The following OR2L13 variants were observed in gnomAD, a reference collection of about 807,000 sequenced individuals.
OR2L13 encodes the protein olfactory receptor family 2 subfamily L member 13.
A neutral mutation model predicts 15.3 loss-of-function variants in OR2L13; 14 were observed. The ratio of observed to expected loss-of-function variants is 0.91; its 90% CI spans 0.60 to 1.43. The LOEUF (loss-of-function observed/expected upper bound fraction) is 1.43. OR2L13 is among the 40% of genes most tolerant of loss of function. OR2L13 has a pLI of 0.00. For missense variants in OR2L13, 367 were observed against 387.9 expected, an observed-to-expected ratio of 0.95 and a Z score of 0.45; for synonymous variants, 152 against 142.9, an observed-to-expected ratio of 1.06 and a Z score of -0.45.
the OR2L13 span, chr1:248,041,578 C>A: frequency 6.6e-6 from 1 of 152,124 alleles, no homozygotes; most frequent in South Asian, 2.1e-4. Context: ...AGGCAACCTA[C>A]AGAATGGGAG....
At chr1:247,965,114 A>T in the OR2L13 span, 1 of 341,078 alleles carries the variant, frequency 2.9e-6, no homozygotes, top group Non-Finnish European at 5.3e-6. Flanking sequence ...TATCTCATGT[A>T]TGTTTGCATA....
chr1:247,970,665 C>G, the OR2L13 span, among the ~76,000 whole-genome samples: 1 of 152,046 alleles, frequency 6.6e-6, no homozygotes. Context: ...TTCCAACTGG[C>G]AAAGCATATT....
the OR2L13 span, among the ~76,000 whole-genome samples, chr1:248,071,915 T>A: frequency 1.3e-5 from 2 of 151,602 alleles, no homozygotes; most frequent in East Asian, 3.8e-4. Flanking sequence ...GAATCCAGCT[T>A]ACAAGGGATG....
At chr1:247,990,776 C>T in the OR2L13 span, 1 of 1,602,466 alleles carries the variant, frequency 6.2e-7, no homozygotes, top group Non-Finnish European at 8.5e-7. Flanking sequence ...TATTGCAAGT[C>T]CAGAGCCATC....
At chr1:247,975,148 CA>C in the OR2L13 span, 1 of 397,188 alleles carries the variant, frequency 2.5e-6, no homozygotes, top group Non-Finnish European at 5.0e-6. Context: ...TCCATATGAG[CA>C]AGATAGTATG....
At chr1:248,015,799 G>A in the OR2L13 span, among the ~76,000 whole-genome samples, 1 of 152,070 alleles carries the variant, frequency 6.6e-6, no homozygotes, top group South Asian at 2.1e-4. Context: ...CACATTTTCT[G>A]TGCCTATGCA....
At chr1:247,994,972 A>G in the OR2L13 span, among the ~76,000 whole-genome samples, 5 of 152,180 alleles carry the variant, frequency 3.3e-5, no homozygotes, top group Non-Finnish European at 7.4e-5. Context: ...TTTCCTTAGT[A>G]TGGTATGTAA....
At chr1:247,939,326 C>T in the OR2L13 span, 2 of 152,168 alleles carry the variant, frequency 1.3e-5, no homozygotes, top group African/African-American at 2.4e-5. Flanking sequence ...TCTGCTTCTT[C>T]TGTCCAAATT....
downstream of OR2L13, chr1:248,101,107 A>G (rs1460413554): frequency 6.6e-6 from 1 of 152,188 alleles, no homozygotes; most frequent in Non-Finnish European, 1.5e-5. Flanking sequence ...TGAATATAAA[A>G]GAACCCACAT....
the OR2L13 span, among the ~76,000 whole-genome samples, chr1:247,961,981 G>A: frequency 6.6e-6 from 1 of 152,162 alleles, no homozygotes; most frequent in African/African-American, 2.4e-5. Flanking sequence ...GGCCAATTTG[G>A]TCAGGGAGAA....
chr1:248,042,824 A>G, the OR2L13 span, among the ~76,000 whole-genome samples: 1 of 152,354 alleles, frequency 6.6e-6, no homozygotes, highest in Non-Finnish European at 1.5e-5. Context: ...TCTCTTCACT[A>G]AAGTTTTTCA....
chr1:248,008,418 G>A, the OR2L13 span, among the ~76,000 whole-genome samples: 5 of 152,018 alleles, frequency 3.3e-5, no homozygotes, highest in African/African-American at 1.2e-4. Flanking sequence ...TATTAATACA[G>A]CTTATGTGTT....
At chr1:248,014,573 T>A in the OR2L13 span, among the ~76,000 whole-genome samples, 1 of 152,152 alleles carries the variant, frequency 6.6e-6, no homozygotes, top group East Asian at 1.9e-4. Context: ...AAGAAGGAAA[T>A]GAGCATAGTA....
At chr1:248,038,221 T>C in the OR2L13 span, 2 of 1,334,784 alleles carry the variant, frequency 1.5e-6, no homozygotes, top group South Asian at 2.7e-5. Flanking sequence ...TTACTGTTCT[T>C]AATTTACCCT....
chr1:248,049,765 T>C, the OR2L13 span, among the ~76,000 whole-genome samples: 2 of 152,222 alleles, frequency 1.3e-5, no homozygotes, highest in African/African-American at 2.4e-5. Context: ...TTGTTTTGAC[T>C]GATTAAAAAC....
At chr1:248,049,055 G>A in the OR2L13 span, among the ~76,000 whole-genome samples, 8 of 151,872 alleles carry the variant, frequency 5.3e-5, no homozygotes, top group Admixed American at 3.9e-4. Context: ...TCAAAGGTGA[G>A]GAAAATATAG....
chr1:247,967,321 C>A, the OR2L13 span, among the ~76,000 whole-genome samples: 1 of 151,998 alleles, frequency 6.6e-6, no homozygotes, highest in African/African-American at 2.4e-5. Context: ...CTCTGCCCCT[C>A]GGGTTCAAGC....
chr1:248,010,396 A>C, the OR2L13 span, among the ~76,000 whole-genome samples: 6 of 152,176 alleles, frequency 3.9e-5, no homozygotes, highest in Non-Finnish European at 2.9e-5. Context: ...AAGAATGTAT[A>C]TTCTGTTGAT....
the OR2L13 span, among the ~76,000 whole-genome samples, chr1:248,048,054 G>A: frequency 2.0e-5 from 3 of 152,174 alleles, no homozygotes; most frequent in Non-Finnish European, 4.4e-5. Context: ...ACAGCGTGAA[G>A]CAGAGTAAGC....
Sources: allele counts gnomAD v4.1 joint callset (sites outside exome capture counted in the v4.1 genomes callset), GRCh38; gene constraint gnomAD v4.1.1; transcripts MANE v1.5; gene names NCBI Gene and HGNC (gene_info 2026-07-23, HGNC 2026-07-21).